The following NRG3 variants were observed in gnomAD, a reference collection of about 807,000 sequenced individuals.
The protein encoded by NRG3 is pro-neuregulin-3, membrane-bound isoform.
In NRG3, 31 loss-of-function variants were observed where a neutral mutation model predicts 66.9. The observed-to-expected ratio is 0.46, with a 90% confidence interval of 0.35 to 0.63. The LOEUF is 0.63. Ranked by LOEUF, NRG3 falls within the 20% of genes least tolerant of loss-of-function variation. NRG3 has a pLI of 0.00. For missense variants in NRG3, 910 were observed against 878.9 expected (o/e 1.04, Z -0.45); for synonymous variants, 393 against 359.4 (o/e 1.09, Z -1.06).
At chr10:82,633,307 T>C (rs1386944559) in intron 2 of NRG3, among the ~76,000 whole-genome samples, 2 of 152,162 alleles carry the variant, frequency 1.3e-5, no homozygotes, top group African/African-American at 4.8e-5. Flanking sequence ...AAATAATCAT[T>C]AATCATATCT....
chr10:81,910,300 G>C (rs1845006589), intron 1 of NRG3, among the ~76,000 whole-genome samples: 1 of 152,082 alleles, frequency 6.6e-6, no homozygotes, highest in African/African-American at 2.4e-5. Flanking sequence ...AACTACTCAG[G>C]GCAGGAAGAT....
intron 1 of NRG3, among the ~76,000 whole-genome samples, chr10:82,333,190 GA>G (rs1296087759): frequency 1.3e-5 from 2 of 152,190 alleles, no homozygotes; most frequent in Non-Finnish European, 1.5e-5. Context: ...CAATGGGGAA[GA>G]AAAGATGAGC....
chr10:82,682,663 G>A (rs1234680755), intron 2 of NRG3, among the ~76,000 whole-genome samples: 2 of 152,056 alleles, frequency 1.3e-5, no homozygotes, highest in Non-Finnish European at 2.9e-5. Context: ...CTGAAGATCC[G>A]AACATCTCTT....
intron 2 of NRG3, among the ~76,000 whole-genome samples, chr10:82,730,001 T>A (rs1344737219): frequency 1.3e-5 from 2 of 152,224 alleles, no homozygotes; most frequent in African/African-American, 4.8e-5. Flanking sequence ...ACCATAGCAA[T>A]TTTATGATGA....
intron 3 of NRG3, among the ~76,000 whole-genome samples, chr10:82,760,452 T>C (rs1015333326): frequency 6.6e-6 from 1 of 152,066 alleles, no homozygotes; most frequent in Non-Finnish European, 1.5e-5. Context: ...CAGATAAATA[T>C]AGCATACCAA....
chr10:82,203,498 T>G (rs1333341303), intron 1 of NRG3, among the ~76,000 whole-genome samples: 1 of 152,154 alleles, frequency 6.6e-6, no homozygotes, highest in East Asian at 1.9e-4. Context: ...TTAAGAGGCT[T>G]CTCTCAGTAG....
At chr10:82,963,541 G>A (rs754388882) in intron 6 of NRG3, among the ~76,000 whole-genome samples, 15 of 152,270 alleles carry the variant, frequency 9.9e-5, no homozygotes, top group South Asian at 2.1e-4. Context: ...TTAGCCTGGC[G>A]CGGTGGCTGA....
chr10:82,228,167 A>C (rs190827573), intron 1 of NRG3, among the ~76,000 whole-genome samples: 1 of 152,340 alleles, frequency 6.6e-6, no homozygotes, highest in East Asian at 1.9e-4. Context: ...AATTTTTAAA[A>C]AGATTTAAAA....
In NRG3 at chr10:82,065,688, A is replaced by G. The variant is rs578008883; in HGVS notation, c.823+189525A>G. Among the ~76,000 whole-genome samples the G allele has an allele frequency of 7.9e-5, 12 of 152,284 alleles. No individual in the cohort carries two copies. The South Asian group carries it at 2.5e-3, about 32-fold the overall frequency. ...TAATTAAAAATTCTAGTTAGAAAATAAAAAAGGAGATAGTGTGTTCTGTGT... is the reference window on the plus strand; with the variant it reads ...TAATTAAAAATTCTAGTTAGAAAATGAAAAAGGAGATAGTGTGTTCTGTGT... On this transcript the variant is annotated intron_variant, in intron 1 of 8. Transcript: ENST00000372141.
At chr10:82,452,338 C>G (rs1411544295) in intron 2 of NRG3, among the ~76,000 whole-genome samples, 1 of 152,248 alleles carries the variant, frequency 6.6e-6, no homozygotes, top group Non-Finnish European at 1.5e-5. Context: ...GCAGTGAATA[C>G]CACATCCTCA....
chr10:82,842,112 G>A (rs532179644), intron 3 of NRG3, among the ~76,000 whole-genome samples: 23 of 152,244 alleles, frequency 1.5e-4, no homozygotes, highest in Admixed American at 8.5e-4. Flanking sequence ...TTTTCCAGGC[G>A]TGGTGGTGTG....
At chr10:82,729,342 TTATTA>T (rs1185453630) in intron 2 of NRG3, among the ~76,000 whole-genome samples, 1 of 152,198 alleles carries the variant, frequency 6.6e-6, no homozygotes, top group Non-Finnish European at 1.5e-5. Flanking sequence ...ATAAGGGCAA[TTATTA>T]TTTTATTACC....
intron 1 of NRG3, among the ~76,000 whole-genome samples, chr10:81,965,593 G>A (rs939018936): frequency 2.6e-5 from 4 of 152,016 alleles, no homozygotes; most frequent in African/African-American, 7.2e-5. Context: ...AATCATCTAT[G>A]ATTTTATGTC....
intron 1 of NRG3, among the ~76,000 whole-genome samples, chr10:82,352,397 T>G (rs1179348269): frequency 4.6e-5 from 7 of 152,106 alleles, no homozygotes; most frequent in African/African-American, 1.7e-4. Context: ...CTCCCAGACG[T>G]GTGTGTTATC....
intron 2 of NRG3, among the ~76,000 whole-genome samples, chr10:82,592,244 G>T (rs1249611195): frequency 6.6e-6 from 1 of 152,176 alleles, no homozygotes; most frequent in African/African-American, 2.4e-5. Flanking sequence ...CATTTATTAA[G>T]GGATTCTGGA....
chr10:82,972,499 G>A (rs1851862902), intron 6 of NRG3, among the ~76,000 whole-genome samples: 1 of 151,946 alleles, frequency 6.6e-6, no homozygotes, highest in African/African-American at 2.4e-5. Flanking sequence ...TTTTTCTTCG[G>A]TTAGAACTAT....
At chr10:81,879,760 G>C (rs983942901) in intron 1 of NRG3, among the ~76,000 whole-genome samples, 10 of 152,184 alleles carry the variant, frequency 6.6e-5, no homozygotes, top group African/African-American at 2.4e-4. Context: ...ATTTTTAAGA[G>C]AGGCATTGAT....
intron 1 of NRG3, among the ~76,000 whole-genome samples, chr10:82,118,003 G>T (rs748686440): frequency 6.6e-6 from 1 of 152,112 alleles, no homozygotes; most frequent in Non-Finnish European, 1.5e-5. Flanking sequence ...TACAGAAAAT[G>T]TTGGGAAGAG....
At chr10:82,354,929 C>T (rs750358227) in intron 1 of NRG3, among the ~76,000 whole-genome samples, 2 of 152,120 alleles carry the variant, frequency 1.3e-5, no homozygotes, top group African/African-American at 2.4e-5. Context: ...TTGGTATTCA[C>T]GGGAACATAA....
Sources: allele counts gnomAD v4.1 joint callset (sites outside exome capture counted in the v4.1 genomes callset), GRCh38; gene constraint gnomAD v4.1.1; transcripts MANE v1.5; gene names NCBI Gene and HGNC (gene_info 2026-07-23, HGNC 2026-07-21).